Variants in LRP1B observed in about 807,000 individuals in gnomAD.
LRP1B encodes low-density lipoprotein receptor-related protein 1B.
In LRP1B, 217 loss-of-function variants were observed where a neutral mutation model predicts 556.6. The ratio of observed to expected loss-of-function variants is 0.39; its 90% CI spans 0.35 to 0.44. The LOEUF (loss-of-function observed/expected upper bound fraction) is 0.44. Ranked by LOEUF, LRP1B falls within the 20% of genes least tolerant of loss-of-function variation. The pLI is 1.00. For synonymous variants in LRP1B, 2,047 were observed against 1,865.8 expected, an observed-to-expected ratio of 1.10 and a Z score of -2.50; for missense variants, 5,053 against 5,620.8, an observed-to-expected ratio of 0.90 and a Z score of 3.23.
chr2:142,001,842 T>A (rs529567675), intron 1 of LRP1B, among the ~76,000 whole-genome samples: 1 of 152,302 alleles, frequency 6.6e-6, no homozygotes, highest in South Asian at 2.1e-4. Flanking sequence ...CCTGATTTTA[T>A]CAGCTTCTGA....
At chr2:140,476,579 C>A (rs1252116471) in intron 59 of LRP1B, among the ~76,000 whole-genome samples, 1 of 151,828 alleles carries the variant, frequency 6.6e-6, no homozygotes, top group Non-Finnish European at 1.5e-5. Flanking sequence ...CAAAGCTAAC[C>A]TAAATAATCA....
intron 84 of LRP1B, among the ~76,000 whole-genome samples, chr2:140,284,834 T>C (rs1385296350): frequency 6.6e-6 from 1 of 151,248 alleles, no homozygotes; most frequent in Non-Finnish European, 1.5e-5. Flanking sequence ...TCTATACATA[T>C]ATCTTGCTAC....
At chr2:140,615,675 G>A (rs562421) in intron 41 of LRP1B, among the ~76,000 whole-genome samples, 111,520 of 151,894 alleles carry the variant, frequency 0.73, 41,054 homozygotes, top group African/African-American at 0.76. Flanking sequence ...AGTGAAATAC[G>A]TATCACAATG....
chr2:140,540,866 A>G, intron 45 of LRP1B, 107 bp downstream of exon 45: 2 of 1,233,152 alleles, frequency 1.6e-6, no homozygotes, highest in Non-Finnish European at 2.2e-6. Context: ...CTAAGCTTCT[A>G]ATATTAGAAG....
At chr2:141,825,077 A>C (rs1696878947) in intron 1 of LRP1B, among the ~76,000 whole-genome samples, 1 of 152,156 alleles carries the variant, frequency 6.6e-6, no homozygotes, top group Non-Finnish European at 1.5e-5. Context: ...GGCCGCCCCA[A>C]ACATGCGGAA....
At chr2:140,370,564 C>A (rs532446173) in intron 71 of LRP1B, 146 bp downstream of exon 71, 1 of 1,137,826 alleles carries the variant, frequency 8.8e-7, no homozygotes, top group Admixed American at 2.3e-5. Flanking sequence ...ATATTTAGAC[C>A]AGGCTGCTAT....
Position 140,248,688 on chromosome 2 carries a change from T to G in LRP1B, c.13248-1526A>C, listed in dbSNP as rs181124527. ...TTGTGTTTGTTTTTTCTTTTTAATT[T>G]GTGGTATTTGCAGATGAATGATCTA... On this transcript the variant is annotated intron_variant, in intron 86 of 90. Transcript: ENST00000389484. 1.9e-3 allele frequency among the ~76,000 whole-genome samples: 287 copies of G among 151,712 alleles called. 2 individuals are homozygous for G. The highest frequency in any genetic ancestry group is 6.0e-3 in the African/African-American group (249 of 41,512).
intron 2 of LRP1B, among the ~76,000 whole-genome samples, chr2:141,642,542 A>G (rs1171576593): frequency 3.3e-5 from 5 of 152,166 alleles, no homozygotes; most frequent in Admixed American, 1.3e-4. Context: ...ATGTTACAGA[A>G]AGAATATATA....
At chr2:141,182,337 A>T (rs935900471) in intron 7 of LRP1B, among the ~76,000 whole-genome samples, 3 of 151,946 alleles carry the variant, frequency 2.0e-5, no homozygotes, top group Non-Finnish European at 2.9e-5. Context: ...ATACAAATTT[A>T]TAAGCCTAGC....
At chr2:141,721,611 A>C (rs1471864169) in intron 2 of LRP1B, among the ~76,000 whole-genome samples, 1 of 152,212 alleles carries the variant, frequency 6.6e-6, no homozygotes, top group African/African-American at 2.4e-5. Flanking sequence ...AATTTAGAGA[A>C]AAATCTTTAA....
rs72910130 is a variant in LRP1B at position 140,255,010 on chromosome 2, T to A, written c.13248-7848A>T. 8.1e-3 allele frequency among the ~76,000 whole-genome samples: 1,240 copies of A among 152,328 alleles called. 7 individuals carry two copies. Among genetic ancestry groups the A allele is most frequent in the Non-Finnish European group, 0.01 (681 of 68,024 alleles). On this transcript the variant is annotated intron_variant, in intron 86 of 90. Coordinates refer to ENST00000389484, the MANE Select transcript of LRP1B (RefSeq NM_018557.3). ...ACACTCTCAAAATATGTTTAAAATT[T>A]GTAATTGTTTAAAAATAATGCAATC...
chr2:141,204,120 T>C (rs1682163825), intron 6 of LRP1B, among the ~76,000 whole-genome samples: 2 of 152,126 alleles, frequency 1.3e-5, no homozygotes, highest in African/African-American at 4.8e-5. Flanking sequence ...TTGCCCAATT[T>C]TAATGAGGTT....
chr2:141,686,788 G>T (rs1691323997), intron 2 of LRP1B, among the ~76,000 whole-genome samples: 1 of 151,928 alleles, frequency 6.6e-6, no homozygotes, highest in Non-Finnish European at 1.5e-5. Context: ...TCCATCAGTA[G>T]ATTAAAGGGT....
At chr2:141,961,298 C>T (rs1701398589) in intron 1 of LRP1B, among the ~76,000 whole-genome samples, 2 of 151,698 alleles carry the variant, frequency 1.3e-5, no homozygotes, top group Admixed American at 1.3e-4. Flanking sequence ...GTAGAGAAAA[C>T]AGTCTGCTGT....
At chr2:140,285,675 C>T (rs1443550431) in intron 84 of LRP1B, among the ~76,000 whole-genome samples, 1 of 151,754 alleles carries the variant, frequency 6.6e-6, no homozygotes, top group African/African-American at 2.4e-5. Flanking sequence ...CAGAAAATCA[C>T]TTTAATTACA....
chr2:141,384,309 C>T (rs1378392858), intron 3 of LRP1B, among the ~76,000 whole-genome samples: 1 of 151,832 alleles, frequency 6.6e-6, no homozygotes, highest in East Asian at 1.9e-4. Context: ...AAATAAATAA[C>T]TCTGCTAAAA....
At chr2:142,013,051 T>G (rs550624618) in intron 1 of LRP1B, among the ~76,000 whole-genome samples, 1 of 152,194 alleles carries the variant, frequency 6.6e-6, no homozygotes, top group Non-Finnish European at 1.5e-5. Flanking sequence ...AGTGAATAGA[T>G]TTAGCTCATG....
At chr2:141,541,653 A>G (rs1444954104) in intron 2 of LRP1B, among the ~76,000 whole-genome samples, 1 of 152,058 alleles carries the variant, frequency 6.6e-6, no homozygotes, top group East Asian at 1.9e-4. Flanking sequence ...TAGAATTCAA[A>G]CAAGATCAAG....
intron 7 of LRP1B, among the ~76,000 whole-genome samples, chr2:141,183,206 AGCTTGGAACCTGT>A (rs1287697245): frequency 6.6e-6 from 1 of 152,018 alleles, no homozygotes; most frequent in East Asian, 1.9e-4. Flanking sequence ...TGACAGTATC[AGCTTGGAACCTGT>A]GCCTGCTCAG....
Sources: gnomAD v4.1 joint callset for allele counts (sites outside exome capture counted in the v4.1 genomes callset) on GRCh38, gnomAD v4.1.1 for gene constraint, MANE v1.5 for transcripts, NCBI Gene and HGNC (gene_info 2026-07-23, HGNC 2026-07-21) for gene names.